The following GNA14 variants were observed in gnomAD, a reference collection of about 807,000 sequenced individuals.
The protein encoded by GNA14 is guanine nucleotide-binding protein subunit alpha-14.
In GNA14, 50 loss-of-function variants were observed where a neutral mutation model predicts 42.0. That is an observed-to-expected ratio of 1.19 (90% CI 0.95 to 1.51). The LOEUF (loss-of-function observed/expected upper bound fraction) is 1.51. GNA14 is among the 40% of genes most tolerant of loss of function. The probability of loss-of-function intolerance (pLI) is 0.00; values close to 1 mark genes in which losing one functional copy is unlikely to be tolerated. For synonymous variants in GNA14, 173 were observed against 163.1 expected, an observed-to-expected ratio of 1.06 and a Z score of -0.46; for missense variants, 473 against 446.2, an observed-to-expected ratio of 1.06 and a Z score of -0.54.
At chr9:77,432,680 G>C (rs1415503424) in intron 3 of GNA14, among the ~76,000 whole-genome samples, 1 of 152,190 alleles carries the variant, frequency 6.6e-6, no homozygotes, top group Non-Finnish European at 1.5e-5. Context: ...TTTTCTCTGT[G>C]ACAGCTCTCA....
At chr9:77,570,641 T>C (rs530528167) in intron 1 of GNA14, among the ~76,000 whole-genome samples, 3 of 152,346 alleles carry the variant, frequency 2.0e-5, no homozygotes, top group Admixed American at 6.5e-5. Flanking sequence ...TTTCATCAGA[T>C]TATAGACATT....
At chr9:77,524,338 C>T (rs1380319324) in intron 2 of GNA14, among the ~76,000 whole-genome samples, 1 of 152,150 alleles carries the variant, frequency 6.6e-6, no homozygotes, top group Non-Finnish European at 1.5e-5. Flanking sequence ...TTTCAACAGC[C>T]TAGCTGAGCA....
rs561347153 is a variant in GNA14 at position 77,464,240 on chromosome 9, A to G, written c.310-29718T>C. On this transcript the variant is annotated intron_variant, in intron 2 of 6. Transcript: ENST00000341700. ...GGTCTTGAACTCCTGGCCTCAGGCA[A>G]TCCACCCACCTCAGGCTCCCAAAGT... 5.1e-4 allele frequency among the ~76,000 whole-genome samples: 78 copies of G among 152,104 alleles called. 1 individual carries two copies. The highest frequency in any genetic ancestry group is 1.4e-3 in the African/African-American group (60 of 41,480).
rs942625096 is a variant in GNA14, at chr9:77,467,220, G to T, written c.310-32698C>A. 5.3e-5 allele frequency among the ~76,000 whole-genome samples: 8 copies of T among 151,908 alleles called. No individual in the cohort carries two copies. The East Asian group carries it at 1.5e-3, about 29-fold the overall frequency. On this transcript the variant is annotated intron_variant, in intron 2 of 6. Coordinates refer to ENST00000341700, the MANE Select transcript of GNA14 (RefSeq NM_004297.4). ...GATGAGTGTAATTTTTTAAAGTCCG[G>T]ATTCCTAGGAGTCACCTCTGGGTCA...
At chr9:77,448,727 G>A (rs1835862552) in intron 2 of GNA14, among the ~76,000 whole-genome samples, 1 of 152,122 alleles carries the variant, frequency 6.6e-6, no homozygotes, top group Non-Finnish European at 1.5e-5. Context: ...CTCTTTGCCA[G>A]GCATTATTCG....
At chr9:77,605,005 T>A (rs546757775) in intron 1 of GNA14, among the ~76,000 whole-genome samples, 4 of 152,354 alleles carry the variant, frequency 2.6e-5, no homozygotes, top group African/African-American at 9.6e-5. Context: ...CAAACACTGA[T>A]AAAATTTACC....
intron 2 of GNA14, among the ~76,000 whole-genome samples, chr9:77,501,565 A>AT (rs1195593390): frequency 2.6e-5 from 4 of 152,150 alleles, no homozygotes; most frequent in East Asian, 1.9e-4. Flanking sequence ...TTTATAACTG[A>AT]TTTTTTTGAA....
At chr9:77,646,790 A>C (rs1423231573) in intron 1 of GNA14, among the ~76,000 whole-genome samples, 1 of 152,264 alleles carries the variant, frequency 6.6e-6, no homozygotes, top group East Asian at 1.9e-4. Flanking sequence ...AGCGTTCTAG[A>C]AAGTCTGAGA....
chr9:77,501,040 C>T (rs1011264639), intron 2 of GNA14, among the ~76,000 whole-genome samples: 1 of 152,062 alleles, frequency 6.6e-6, no homozygotes, highest in African/African-American at 2.4e-5. Context: ...CTGCAACCTC[C>T]GCCTCCCGGG....
At position 77,527,408 on chromosome 9, in the gene GNA14, G is replaced by A. The variant is rs113808765; in HGVS notation, c.309+1661C>T. Among the ~76,000 whole-genome samples the A allele has an allele frequency of 2.6e-4, 39 of 152,300 alleles. No homozygotes were observed. In the South Asian group the frequency reaches 5.4e-3, roughly 21 times the overall value. On this transcript the variant is annotated intron_variant, in intron 2 of 6. Transcript: ENST00000341700. Reference sequence around the variant, plus strand: ...GCCAAGCTTGTCCAACCCATGGCCCGTGGGCCACAGTGCAGCCCAGGACAG... The same window carrying A: ...GCCAAGCTTGTCCAACCCATGGCCCATGGGCCACAGTGCAGCCCAGGACAG...
At chr9:77,593,376 G>T (rs1285891975) in intron 1 of GNA14, among the ~76,000 whole-genome samples, 3 of 148,022 alleles carry the variant, frequency 2.0e-5, no homozygotes, top group Non-Finnish European at 4.4e-5. Context: ...TGTCCAGGCT[G>T]GAGTGCAGTG....
chr9:77,607,923 A>T (rs901825556), intron 1 of GNA14, among the ~76,000 whole-genome samples: 1 of 152,128 alleles, frequency 6.6e-6, no homozygotes, highest in Non-Finnish European at 1.5e-5. Flanking sequence ...TAAAGGCCCC[A>T]TCTCCTAACA....
intron 1 of GNA14, among the ~76,000 whole-genome samples, chr9:77,606,716 T>G (rs912035134): frequency 6.6e-6 from 1 of 152,070 alleles, no homozygotes; most frequent in Non-Finnish European, 1.5e-5. Context: ...GAAAAAAAGG[T>G]GTAAGCCTCA....
intron 2 of GNA14, among the ~76,000 whole-genome samples, chr9:77,521,896 G>A (rs559176424): frequency 5.2e-4 from 79 of 152,112 alleles, no homozygotes; most frequent in African/African-American, 1.8e-3. Flanking sequence ...GCAATGGCGC[G>A]ATCTTGGCTC....
intron 1 of GNA14, among the ~76,000 whole-genome samples, chr9:77,560,432 G>A (rs764141278): frequency 3.3e-5 from 5 of 151,850 alleles, no homozygotes; most frequent in Non-Finnish European, 5.9e-5. Flanking sequence ...GGGACCACAG[G>A]TGCACGACAC....
intron 1 of GNA14, among the ~76,000 whole-genome samples, chr9:77,597,840 T>A (rs1823491120): frequency 6.6e-6 from 1 of 151,802 alleles, no homozygotes; most frequent in African/African-American, 2.4e-5. Flanking sequence ...TGAGGCGAGA[T>A]CACTTGAGGT....
chr9:77,492,260 C>G (rs1378253901), intron 2 of GNA14, among the ~76,000 whole-genome samples: 1 of 151,414 alleles, frequency 6.6e-6, no homozygotes, highest in African/African-American at 2.4e-5. Flanking sequence ...ACAGAAAAGC[C>G]AAACCCAAAA....
chr9:77,452,578 A>ATGTGTG, intron 2 of GNA14, among the ~76,000 whole-genome samples: 1 of 2,780 alleles, frequency 3.6e-4, no homozygotes, highest in Non-Finnish European at 7.7e-4. Context: ...GTGTATGTGC[A>ATGTGTG]TGTGTATGTG....
intron 2 of GNA14, among the ~76,000 whole-genome samples, chr9:77,500,765 T>C (rs1245659138): frequency 6.6e-6 from 1 of 152,250 alleles, no homozygotes; most frequent in African/African-American, 2.4e-5. Flanking sequence ...ATCCAGGTTG[T>C]TGCATGTGTA....
Sources: gnomAD v4.1 joint callset for allele counts (sites outside exome capture counted in the v4.1 genomes callset) on GRCh38, gnomAD v4.1.1 for gene constraint, MANE v1.5 for transcripts, NCBI Gene and HGNC (gene_info 2026-07-23, HGNC 2026-07-21) for gene names.